Variants in CTNND2 observed in about 807,000 individuals in gnomAD.
The protein encoded by CTNND2 is catenin delta 2, also known as catenin delta-2.
In CTNND2, 22 loss-of-function variants were observed where a neutral mutation model predicts 144.4. That is an observed-to-expected ratio of 0.15 (90% confidence interval 0.11 to 0.22). CTNND2 has a LOEUF of 0.22. CTNND2 is among the 10% of genes least tolerant of loss of function. The pLI, the probability that CTNND2 is intolerant of heterozygous loss-of-function variation, is 1.00. For missense variants in CTNND2, 1,353 were observed against 1,618.8 expected, an observed-to-expected ratio of 0.84 and a Z score of 2.82; for synonymous variants, 751 against 695.6, an observed-to-expected ratio of 1.08 and a Z score of -1.25.
chr5:11,507,857 T>C (rs544456109), intron 3 of CTNND2, among the ~76,000 whole-genome samples: 1 of 152,210 alleles, frequency 6.6e-6, no homozygotes, highest in South Asian at 2.1e-4. Flanking sequence ...TGTTCCACCG[T>C]CCTGGCGAGG....
chr5:11,017,932 G>A (rs374978341), intron 18 of CTNND2, 42 bp downstream of exon 18: 1 of 1,505,358 alleles, frequency 6.6e-7, no homozygotes, highest in Non-Finnish European at 9.2e-7. Flanking sequence ...AGGGTCCCGT[G>A]TTGAGTGTTT....
chr5:11,165,432 T>A (rs1759218371), intron 11 of CTNND2, among the ~76,000 whole-genome samples: 1 of 152,218 alleles, frequency 6.6e-6, no homozygotes, highest in African/African-American at 2.4e-5. Context: ...ATTACCCTGT[T>A]TGTTTATATC....
chr5:11,100,719 A>G (rs1321506240), intron 14 of CTNND2, among the ~76,000 whole-genome samples: 1 of 152,258 alleles, frequency 6.6e-6, no homozygotes, highest in South Asian at 2.1e-4. Flanking sequence ...TCATATAAAA[A>G]TGGATAAAAT....
chr5:11,763,268 T>C lies in CTNND2; in HGVS notation c.38-30996A>G, dbSNP rs570464398. On this transcript the variant is annotated intron_variant, in intron 1 of 21. Coordinates refer to ENST00000304623, the MANE Select transcript of CTNND2 (RefSeq NM_001332.4). ...TCTTTATAAATTACCCAGTCTCAGG[T>C]AGTTCTTTATAGCAGTGTGAGAAAG... is the stretch of plus-strand genomic sequence containing the variant. Among the ~76,000 whole-genome samples, 41 of 152,294 alleles carry C rather than the reference T, an allele frequency of 2.7e-4. No individual in the cohort carries two copies. In the South Asian group the frequency reaches 7.9e-3, roughly 29 times the overall value.
At chr5:11,436,530 C>T (rs1202186043) in intron 3 of CTNND2, among the ~76,000 whole-genome samples, 1 of 152,164 alleles carries the variant, frequency 6.6e-6, no homozygotes, top group East Asian at 1.9e-4. Context: ...CATGTATCTA[C>T]TTTTTTCTTT....
At chr5:11,193,446 T>A (rs1337081193) in intron 11 of CTNND2, among the ~76,000 whole-genome samples, 1 of 152,210 alleles carries the variant, frequency 6.6e-6, no homozygotes, top group East Asian at 1.9e-4. Context: ...ATCTTTGGGA[T>A]GTTGTTTAAT....
At chr5:11,451,522 T>A (rs577031079) in intron 3 of CTNND2, among the ~76,000 whole-genome samples, 1 of 152,338 alleles carries the variant, frequency 6.6e-6, no homozygotes, top group East Asian at 1.9e-4. Flanking sequence ...GAAATGCTCC[T>A]TGGAGCATTT....
At chr5:11,191,090 C>T (rs2149814644) in intron 11 of CTNND2, among the ~76,000 whole-genome samples, 1 of 152,240 alleles carries the variant, frequency 6.6e-6, no homozygotes, top group South Asian at 2.1e-4. Context: ...TGGAAAAATG[C>T]ATTTCTCAGG....
At chr5:11,464,126 T>C (rs1766457138) in intron 3 of CTNND2, among the ~76,000 whole-genome samples, 1 of 152,242 alleles carries the variant, frequency 6.6e-6, no homozygotes, top group African/African-American at 2.4e-5. Context: ...TGATATTTAT[T>C]GAGTTCCTAC....
At chr5:11,226,210 T>C (rs1740331297) in intron 10 of CTNND2, among the ~76,000 whole-genome samples, 1 of 152,198 alleles carries the variant, frequency 6.6e-6, no homozygotes, top group Non-Finnish European at 1.5e-5. Flanking sequence ...AATGAGCACA[T>C]GCCTTAGAGA....
chr5:11,623,368 A>C (rs1173274946), intron 2 of CTNND2, among the ~76,000 whole-genome samples: 1 of 151,936 alleles, frequency 6.6e-6, no homozygotes, highest in Non-Finnish European at 1.5e-5. Flanking sequence ...CAGTGACTAA[A>C]TCTCACAAGA....
chr5:11,903,972 C>T lies in CTNND2; in HGVS notation c.-119G>A. On this transcript the variant is annotated 5_prime_UTR_variant, in exon 1 of 22. Transcript: ENST00000304623. The surrounding 1 kb of genome is among the most constrained non-coding windows in gnomAD (Gnocchi z 5.4). ...GCATCTTCCGCTTTTGTTGTCTGAG[C>T]GCGGCCGCGGGACAAGGGATGCTGG... 8.4e-7 allele frequency: 1 copy of T among 1,191,902 alleles called. No individual in the cohort carries two copies. The highest frequency in any genetic ancestry group is 1.1e-6 in the Non-Finnish European group (1 of 938,366). The allele number at this position is 1,191,902 out of a possible 1,614,324, so 73.8% of individuals were successfully genotyped here. A position where few individuals can be genotyped will look rare whatever the true frequency, so the allele number is the denominator to read the frequency against.
intron 2 of CTNND2, among the ~76,000 whole-genome samples, chr5:11,652,170 T>G (rs910907602): frequency 1.1e-4 from 17 of 152,190 alleles, no homozygotes; most frequent in African/African-American, 4.1e-4. Flanking sequence ...GGAGATGGAC[T>G]TCCCCCGTGC....
At chr5:11,201,677 G>C (rs1450161093) in intron 10 of CTNND2, among the ~76,000 whole-genome samples, 3 of 152,220 alleles carry the variant, frequency 2.0e-5, no homozygotes, top group Non-Finnish European at 2.9e-5. Flanking sequence ...AACATGACAG[G>C]GAAGGAAGAG....
intron 2 of CTNND2, among the ~76,000 whole-genome samples, chr5:11,631,907 C>T (rs1343355163): frequency 6.6e-6 from 1 of 152,138 alleles, no homozygotes; most frequent in East Asian, 1.9e-4. Context: ...CGGACCCCAC[C>T]TCCAGAGAAG....
rs920692304 is a variant in CTNND2 at position 11,593,060 on chromosome 5, T to TA, written c.175-28005dup. The stretch of plus-strand genomic sequence containing the variant: ...CAACGTGACCCCAGTTGCGAAAAAA[T>TA]AAAAAAAATCAACTCCATCTGGAGT... On this transcript the variant is annotated intron_variant, in intron 2 of 21. Coordinates refer to ENST00000304623, the MANE Select transcript of CTNND2 (RefSeq NM_001332.4). Among the ~76,000 whole-genome samples the TA allele has an allele frequency of 1.3e-4, 19 of 150,248 alleles. No individual in the cohort carries two copies. In the East Asian group the frequency reaches 1.4e-3, roughly 11 times the overall value.
chr5:11,431,920 A>G (rs1191911953), intron 3 of CTNND2, among the ~76,000 whole-genome samples: 1 of 152,172 alleles, frequency 6.6e-6, no homozygotes, highest in Non-Finnish European at 1.5e-5. Flanking sequence ...CATCAACAGT[A>G]GCAAAGTGAC....
chr5:10,987,062 C>T (rs1018831526), intron 20 of CTNND2, among the ~76,000 whole-genome samples: 10 of 131,040 alleles, frequency 7.6e-5, no homozygotes, highest in Non-Finnish European at 1.7e-4. Context: ...ATTAAAGGCT[C>T]TTCCTCATAG....
chr5:10,998,962 G>C (rs1739639682), intron 18 of CTNND2, among the ~76,000 whole-genome samples: 1 of 152,168 alleles, frequency 6.6e-6, no homozygotes, highest in Non-Finnish European at 1.5e-5. Context: ...TAGAGGAGCA[G>C]CTGCCAAATG....
Sources: gnomAD v4.1 joint callset for allele counts (sites outside exome capture counted in the v4.1 genomes callset) on GRCh38, gnomAD v4.1.1 for gene constraint, Gnocchi (gnomAD v3.1) non-coding constraint, MANE v1.5 for transcripts, NCBI Gene and HGNC (gene_info 2026-07-23, HGNC 2026-07-21) for gene names.